The following DNAI3 variants were observed in gnomAD, a reference collection of about 807,000 sequenced individuals.
The protein encoded by DNAI3 is dynein axonemal intermediate chain 3.
In DNAI3, 83 loss-of-function variants were observed where a neutral mutation model predicts 115.5. That is an observed-to-expected ratio of 0.72 (90% CI 0.60 to 0.86). DNAI3 has a LOEUF of 0.86. Among genes scored for constraint, DNAI3 ranks in the 40% least tolerant of loss-of-function variants. DNAI3 has a pLI of 0.00. For missense variants in DNAI3, 1,004 were observed against 1,075.8 expected (o/e 0.93, Z 0.93); for synonymous variants, 320 against 347.0 (o/e 0.92, Z 0.86).
In DNAI3 at chr1:85,126,682, A is replaced by G. The variant is rs768327903; in HGVS notation, c.2284A>G (p.Met762Val). The change falls in exon 20 of 23, where the codon ATG (methionine) becomes GTG (valine). Residue 762 changes from methionine (M) to valine (V), a missense_variant. By Grantham distance (21) the Met-to-Val change is conservative (BLOSUM62 1). Transcript: ENST00000294664. ...CCAGTCTCAAAACATTTGCATAACT[A>G]TGATCACCTACATCAAACCCTGGAT... ...PAQSQNICIT[M>V]ITYIKPWIFS... 1.9e-6 allele frequency: 3 copies of G among 1,614,048 alleles called. No homozygotes were observed. Among genetic ancestry groups the G allele is most frequent in the Admixed American group, 3.3e-5 (2 of 59,986 alleles).
At chr1:85,097,716 A>G (rs1362943544) in intron 12 of DNAI3, 61 bp downstream of exon 12, 7 of 1,438,334 alleles carry the variant, frequency 4.9e-6, no homozygotes, top group Non-Finnish European at 6.6e-6. Flanking sequence ...ATGGAAAAGT[A>G]CATAATATAG....
chr1:85,130,176 G>GC, intron 22 of DNAI3, 64 bp downstream of exon 22: 1 of 1,597,710 alleles, frequency 6.3e-7, no homozygotes, highest in Non-Finnish European at 8.5e-7. Context: ...TATTTGTTTG[G>GC]CTTAATCCAC....
At chr1:85,074,909 G>A (rs902422726) in intron 3 of DNAI3, among the ~76,000 whole-genome samples, 1 of 152,096 alleles carries the variant, frequency 6.6e-6, no homozygotes, top group African/African-American at 2.4e-5. Context: ...ACTCATTACT[G>A]AATAAATAAA....
At chr1:85,094,372 G>C in intron 9 of DNAI3, 59 bp from the exon 10 acceptor site, 3 of 1,601,712 alleles carry the variant, frequency 1.9e-6, no homozygotes, top group South Asian at 2.2e-5. Context: ...GCAAAAGCTA[G>C]AGACATCTCT....
chr1:85,094,390 T>C, intron 9 of DNAI3, 41 bp from the exon 10 acceptor site: 1 of 1,612,582 alleles, frequency 6.2e-7, no homozygotes, highest in South Asian at 1.1e-5. Context: ...TCTCCATGTA[T>C]AGTTGCTGCC....
intron 3 of DNAI3, among the ~76,000 whole-genome samples, chr1:85,075,227 T>C (rs1286867037): frequency 1.3e-5 from 2 of 152,098 alleles, no homozygotes; most frequent in Non-Finnish European, 2.9e-5. Context: ...CATTGTTTAT[T>C]ATCTGTCTCT....
intron 4 of DNAI3, 97 bp from the exon 5 acceptor site, chr1:85,082,203 A>T: frequency 1.1e-6 from 1 of 929,604 alleles, no homozygotes; most frequent in Non-Finnish European, 1.7e-6. Context: ...TATCTTCTAT[A>T]ATTGGTTGAT....
At chr1:85,118,400 T>C (rs932315427) in intron 17 of DNAI3, among the ~76,000 whole-genome samples, 1 of 152,236 alleles carries the variant, frequency 6.6e-6, no homozygotes, top group Admixed American at 6.5e-5. Context: ...TTAATCCCAG[T>C]AATCCTGTAA....
intron 1 of DNAI3, among the ~76,000 whole-genome samples, chr1:85,066,314 CTTTTT>C (rs57553075): frequency 2.9e-5 from 2 of 70,014 alleles, no homozygotes; most frequent in South Asian, 6.0e-4. Context: ...TTCTGCTACT[CTTTTT>C]TTTTTTTTTT....
At chr1:85,096,043 G>C in intron 11 of DNAI3, 23 bp downstream of exon 11, 1 of 1,605,992 alleles carries the variant, frequency 6.2e-7, no homozygotes. Flanking sequence ...ATTTTTTTCA[G>C]CTATGTATTA....
Position 85,101,701 on chromosome 1 carries a change from C to G in DNAI3, c.1480-2823C>G, listed in dbSNP as rs1183018364. On this transcript the variant is annotated intron_variant, in intron 13 of 22. Coordinates refer to ENST00000294664, the MANE Select transcript of DNAI3 (RefSeq NM_145172.5). The stretch of plus-strand genomic sequence containing the variant: ...CGAGATCGCGCCACTGCACTCCAGC[C>G]TGGGCGACAGAGCGAGACTCCATCT... Among the ~76,000 whole-genome samples the G allele has an allele frequency of 2.7e-5, 3 of 111,710 alleles. No individual in the cohort carries two copies. In the East Asian group the frequency reaches 8.6e-4, roughly 32 times the overall value. 73.3% of individuals were successfully genotyped at this position (111,710 alleles called of 152,430 possible).
Position 85,088,949 on chromosome 1 carries a change from C to T in DNAI3, c.741-1167C>T, listed in dbSNP as rs541301104. 2.1e-3 allele frequency among the ~76,000 whole-genome samples: 323 copies of T among 152,020 alleles called. 1 individual carries two copies. Among genetic ancestry groups the T allele is most frequent in the African/African-American group, 7.5e-3 (310 of 41,446 alleles). ...AATATTATTTCTTTCTACCACTCTG[C>T]CTTCTGCTATGGATACTGACCTAAA... On this transcript the variant is annotated intron_variant, in intron 7 of 22. Transcript: ENST00000294664.
chr1:85,095,232 G>A (rs1174276840), intron 10 of DNAI3, among the ~76,000 whole-genome samples: 1 of 152,104 alleles, frequency 6.6e-6, no homozygotes, highest in Non-Finnish European at 1.5e-5. Flanking sequence ...GGTGGGTGGT[G>A]TATAGTGTTA....
At chr1:85,108,451 CA>C (rs1655556417) in intron 15 of DNAI3, among the ~76,000 whole-genome samples, 1 of 152,204 alleles carries the variant, frequency 6.6e-6, no homozygotes, top group Admixed American at 6.5e-5. Context: ...ATGATTTACA[CA>C]GATTTACTTT....
chr1:85,101,968 G>A (rs924056543), intron 13 of DNAI3, among the ~76,000 whole-genome samples: 3 of 151,958 alleles, frequency 2.0e-5, no homozygotes, highest in Non-Finnish European at 4.4e-5. Context: ...CTAGGAGGCT[G>A]AGGCAGGAGG....
Position 85,114,750 on chromosome 1 carries a change from C to G in DNAI3, c.1787-2979C>G, listed in dbSNP as rs1655764972. On this transcript the variant is annotated intron_variant, in intron 16 of 22. Transcript: ENST00000294664. ...TCTTGATCACATTTTGATTCTTGAT[C>G]CTGTACTGGTTTCTCCTTTGACTGT... 3.3e-5 allele frequency among the ~76,000 whole-genome samples: 5 copies of G among 152,292 alleles called. No individual in the cohort carries two copies. In the South Asian group the frequency reaches 1.0e-3, roughly 32 times the overall value.
At chr1:85,084,245 A>AGTGT (rs574283688) in intron 5 of DNAI3, among the ~76,000 whole-genome samples, 6 of 58,232 alleles carry the variant, frequency 1.0e-4, no homozygotes, top group African/African-American at 2.9e-4. Context: ...ATATATCAGC[A>AGTGT]GTGTGTATAT....
In DNAI3 at chr1:85,096,014, T is replaced by C. The variant is rs1180571048; in HGVS notation, c.1257T>C (p.Asn419=). 7 of 1,613,654 alleles carry C rather than the reference T, an allele frequency of 4.3e-6. No homozygotes were observed. The highest frequency in any genetic ancestry group is 5.9e-6 in the Non-Finnish European group (7 of 1,179,778). The change falls in exon 11 of 23, where the codon AAT becomes AAC. Residue 419 remains asparagine (N), a synonymous_variant. Coordinates refer to ENST00000294664, the MANE Select transcript of DNAI3 (RefSeq NM_145172.5). Reference sequence around the variant, plus strand: ...ATATCATTGCTGGAGGCTGTATCAATGGGCAGGTACTTAACAGAATTTTTT... The same window carrying C: ...ATATCATTGCTGGAGGCTGTATCAACGGGCAGGTACTTAACAGAATTTTTT... ...DPNIIAGGCI[N]GQIVMWDITA...
intron 2 of DNAI3, 146 bp downstream of exon 2, chr1:85,072,151 G>T: frequency 1.3e-6 from 1 of 758,334 alleles, no homozygotes; most frequent in Admixed American, 3.3e-5. Flanking sequence ...GATATATGGA[G>T]ATTCATTCTT....
Sources: allele counts gnomAD v4.1 joint callset (sites outside exome capture counted in the v4.1 genomes callset), GRCh38; gene constraint gnomAD v4.1.1; transcripts MANE v1.5; gene names NCBI Gene and HGNC (gene_info 2026-07-23, HGNC 2026-07-21).